The following RBFOX1 variants were observed in gnomAD, a reference collection of about 807,000 sequenced individuals.
RBFOX1 encodes the protein RNA binding protein fox-1 homolog 1.
RBFOX1 carries 8 observed loss-of-function variants against 57.7 expected under a neutral mutation model. The ratio of observed to expected loss-of-function variants is 0.14; its 90% confidence interval spans 0.08 to 0.25. RBFOX1 has a LOEUF of 0.25. Ranked by LOEUF, RBFOX1 falls within the 10% of genes least tolerant of loss-of-function variation. RBFOX1 has a pLI of 1.00. For synonymous variants in RBFOX1, 326 were observed against 222.4 expected (o/e 1.47, Z -4.15); for missense variants, 611 against 548.5 (o/e 1.11, Z -1.14).
intron 2 of RBFOX1, among the ~76,000 whole-genome samples, chr16:5,484,092 A>C (rs985317330): frequency 3.3e-5 from 5 of 152,214 alleles, no homozygotes; most frequent in Non-Finnish European, 7.3e-5. Context: ...GATTGCTTGC[A>C]CCAAAGAGGT....
intron 4 of RBFOX1, among the ~76,000 whole-genome samples, chr16:7,055,499 A>G (rs547589465): frequency 1.3e-5 from 2 of 152,224 alleles, no homozygotes; most frequent in East Asian, 3.9e-4. Flanking sequence ...TCTACCCCAT[A>G]TCACGTTCTC....
chr16:6,299,709 T>C (rs1384662865), intron 1 of RBFOX1, among the ~76,000 whole-genome samples: 1 of 152,140 alleles, frequency 6.6e-6, no homozygotes, highest in Admixed American at 6.5e-5. Context: ...TAAACTCAGT[T>C]ATTTGCAGTG....
At chr16:5,862,943 C>T (rs1286878188) in intron 3 of RBFOX1, among the ~76,000 whole-genome samples, 2 of 152,132 alleles carry the variant, frequency 1.3e-5, no homozygotes, top group African/African-American at 2.4e-5. Flanking sequence ...GTGATCTTCC[C>T]TCTGTCCATT....
At chr16:5,707,338 TG>T (rs1181013528) in intron 3 of RBFOX1, among the ~76,000 whole-genome samples, 4 of 152,226 alleles carry the variant, frequency 2.6e-5, no homozygotes, top group African/African-American at 9.7e-5. Flanking sequence ...TGTTTGATTT[TG>T]TAAGTCAGTT....
chr16:7,411,245 C>A (rs2098422034), intron 4 of RBFOX1, among the ~76,000 whole-genome samples: 1 of 151,990 alleles, frequency 6.6e-6, no homozygotes, highest in East Asian at 1.9e-4. Flanking sequence ...GGCCAATCAA[C>A]TTTGAATTCT....
At chr16:7,011,934 T>G (rs2093673193) in intron 3 of RBFOX1, among the ~76,000 whole-genome samples, 1 of 152,208 alleles carries the variant, frequency 6.6e-6, no homozygotes, top group African/African-American at 2.4e-5. Context: ...CACATTTCTC[T>G]CTGGAAATAC....
chr16:6,606,832 C>G (rs143455256), intron 2 of RBFOX1, among the ~76,000 whole-genome samples: 1 of 152,284 alleles, frequency 6.6e-6, no homozygotes, highest in East Asian at 1.9e-4. Context: ...GTGCATGTAT[C>G]TTTATAATAG....
intron 4 of RBFOX1, among the ~76,000 whole-genome samples, chr16:7,106,192 C>G (rs775328994): frequency 2.6e-5 from 4 of 152,078 alleles, no homozygotes. Flanking sequence ...CCTGTGGGCT[C>G]TTTTTTGTTT....
chr16:5,951,963 G>C (rs1467026722), intron 4 of RBFOX1, among the ~76,000 whole-genome samples: 1 of 151,512 alleles, frequency 6.6e-6, no homozygotes, highest in East Asian at 1.9e-4. Context: ...GGTTATCAGA[G>C]GTGGAGATTT....
At chr16:6,757,772 T>G (rs537807302) in intron 3 of RBFOX1, among the ~76,000 whole-genome samples, 1 of 152,210 alleles carries the variant, frequency 6.6e-6, no homozygotes, top group East Asian at 1.9e-4. Flanking sequence ...ATTGTACATT[T>G]CAAAGTAACT....
chr16:6,799,674 G>A (rs568238477), intron 3 of RBFOX1, among the ~76,000 whole-genome samples: 13 of 152,136 alleles, frequency 8.5e-5, no homozygotes, highest in African/African-American at 1.2e-4. Context: ...GGAAGAAGGT[G>A]GGATGAGCTA....
At chr16:6,196,007 G>A (rs1424356749) in intron 1 of RBFOX1, among the ~76,000 whole-genome samples, 2 of 152,146 alleles carry the variant, frequency 1.3e-5, no homozygotes, top group Admixed American at 6.5e-5. Flanking sequence ...AAGACTAGGA[G>A]TACTTGTAAT....
intron 2 of RBFOX1, among the ~76,000 whole-genome samples, chr16:5,483,108 A>G (rs1451179827): frequency 1.3e-5 from 2 of 152,134 alleles, no homozygotes; most frequent in Non-Finnish European, 2.9e-5. Context: ...GGGAGTCCTA[A>G]AAACATTTTA....
rs958096376 is a variant in RBFOX1, at chr16:7,114,716, C to T, written c.27+62618C>T. ...AGTCCTTGTGCTGTTTTCCTTTCTA[C>T]GCTCATGAAGAGTCCTGCTAGGTGC... On this transcript the variant is annotated intron_variant, in intron 4 of 15. Coordinates refer to ENST00000550418, the MANE Select transcript of RBFOX1 (RefSeq NM_018723.4). 7.2e-5 allele frequency among the ~76,000 whole-genome samples: 11 copies of T among 152,316 alleles called. No homozygotes were observed. The East Asian group carries it at 1.4e-3, about 19-fold the overall frequency.
intron 3 of RBFOX1, among the ~76,000 whole-genome samples, chr16:6,945,049 T>C (rs62017719): frequency 0.14 from 21,934 of 152,106 alleles, 2,136 homozygotes; most frequent in Non-Finnish European, 0.2. Flanking sequence ...TCCCGTGTTC[T>C]AATGCATTAT....
chr16:7,363,438 A>G (rs1257678382), intron 4 of RBFOX1, among the ~76,000 whole-genome samples: 1 of 152,122 alleles, frequency 6.6e-6, no homozygotes, highest in African/African-American at 2.4e-5. Flanking sequence ...AGCCGTTAGA[A>G]CAGTGTCTGA....
At chr16:5,429,645 G>C in intron 1 of RBFOX1, among the ~76,000 whole-genome samples, 1 of 152,178 alleles carries the variant, frequency 6.6e-6, no homozygotes, top group East Asian at 1.9e-4. Flanking sequence ...TGAGGTGTGG[G>C]TGGCACAAAG....
chr16:7,127,111 C>T (rs1019572096), intron 4 of RBFOX1, among the ~76,000 whole-genome samples: 1 of 150,334 alleles, frequency 6.7e-6, no homozygotes, highest in Non-Finnish European at 1.5e-5. Context: ...GGGAGCACTT[C>T]ATGTGGTCAT....
chr16:7,182,680 G>A (rs186162712), intron 4 of RBFOX1, among the ~76,000 whole-genome samples: 5 of 151,276 alleles, frequency 3.3e-5, no homozygotes, highest in African/African-American at 4.9e-5. Context: ...CAGGAAGTAC[G>A]ATGAAGCAAA....
Sources: allele counts gnomAD v4.1 joint callset (sites outside exome capture counted in the v4.1 genomes callset), GRCh38; gene constraint gnomAD v4.1.1; transcripts MANE v1.5; gene names NCBI Gene and HGNC (gene_info 2026-07-23, HGNC 2026-07-21).